CLCC1: variants seen among roughly 807,000 people sequenced by gnomAD.
CLCC1 encodes chloride channel CLIC-like protein 1.
In CLCC1, 39 loss-of-function variants were observed where a neutral mutation model predicts 63.3. The ratio of observed to expected loss-of-function variants is 0.62; its 90% CI spans 0.48 to 0.81. CLCC1 has a LOEUF of 0.81. Among genes scored for constraint, CLCC1 ranks in the 30% least tolerant of loss-of-function variants. The pLI is 0.00. For synonymous variants in CLCC1, 217 were observed against 239.8 expected (o/e 0.90, Z 0.88); for missense variants, 549 against 669.4 (o/e 0.82, Z 1.98).
chr1:108,960,107 A>G (rs972741421), intron 2 of CLCC1, among the ~76,000 whole-genome samples: 2 of 152,266 alleles, frequency 1.3e-5, no homozygotes, highest in African/African-American at 4.8e-5. Context: ...GCTCTCCAGC[A>G]TGGGTGACAG....
At chr1:108,957,908 G>A (rs564182147) in intron 2 of CLCC1, among the ~76,000 whole-genome samples, 1 of 151,374 alleles carries the variant, frequency 6.6e-6, no homozygotes, top group Non-Finnish European at 1.5e-5. Context: ...AAAAGACTGA[G>A]TCCTGGGCAA....
intron 2 of CLCC1, among the ~76,000 whole-genome samples, chr1:108,951,766 CT>C (rs34333498): frequency 0.017 from 2,249 of 132,232 alleles, 16 homozygotes; most frequent in African/African-American, 0.027. Flanking sequence ...GAATTGTATA[CT>C]TTTTTTTTTT....
chr1:108,934,400 T>A (rs1354616537), intron 12 of CLCC1: 1 of 415,016 alleles, frequency 2.4e-6, no homozygotes, highest in Non-Finnish European at 4.3e-6. Flanking sequence ...GAATCAGTGA[T>A]GCCTGTCATC....
intron 3 of CLCC1, 29 bp from the exon 4 acceptor site, chr1:108,949,950 T>C (rs1488594004): frequency 3.7e-6 from 5 of 1,357,414 alleles, no homozygotes; most frequent in African/African-American, 1.5e-5. Context: ...ACATTTTATT[T>C]CTTTATAGTT....
At chr1:108,940,177 C>T (rs1487973236) in intron 8 of CLCC1, 35 bp from the exon 9 acceptor site, 1 of 1,398,868 alleles carries the variant, frequency 7.1e-7, no homozygotes, top group South Asian at 1.2e-5. Context: ...CTGATCATTT[C>T]TTTTAATGTT....
chr1:108,944,119 C>G (rs1188023144), intron 5 of CLCC1, 62 bp from the exon 6 acceptor site: 8 of 1,231,880 alleles, frequency 6.5e-6, no homozygotes, highest in Non-Finnish European at 9.0e-6. Context: ...CTTGGTGAAC[C>G]ATTTTAAGAC....
At chr1:108,935,964 G>A (rs1652879419) in intron 11 of CLCC1, among the ~76,000 whole-genome samples, 1 of 152,060 alleles carries the variant, frequency 6.6e-6, no homozygotes, top group African/African-American at 2.4e-5. Flanking sequence ...AGACCAAGGA[G>A]GCTTCCAGGC....
intron 7 of CLCC1, among the ~76,000 whole-genome samples, chr1:108,942,452 T>TTAGA (rs550786848): frequency 1.1e-3 from 173 of 152,352 alleles, no homozygotes; most frequent in African/African-American, 4.0e-3. Context: ...AATACTATAA[T>TTAGA]ACTTACAGCA....
intron 2 of CLCC1, among the ~76,000 whole-genome samples, chr1:108,954,479 G>A (rs991983513): frequency 6.6e-6 from 1 of 151,050 alleles, no homozygotes; most frequent in African/African-American, 2.5e-5. Flanking sequence ...CAGCCTAGGT[G>A]AAAGAGTAAA....
chr1:108,940,044 C>T lies in CLCC1; in HGVS notation c.894+1G>A. 6.2e-6 allele frequency: 10 copies of T among 1,603,040 alleles called. No homozygotes were observed. The highest frequency in any genetic ancestry group is 8.5e-6 in the Non-Finnish European group (10 of 1,172,054). ...TAATTTTTACAAAATATATGCTATA[C>T]CTTTGTTGGTGGGACCAACCAAATA... On this transcript the variant is annotated splice_donor_variant, in intron 9 of 12. Coordinates refer to ENST00000369969, the MANE Select transcript of CLCC1 (RefSeq NM_001377458.1). LOFTEE classifies it high-confidence loss of function.
chr1:108,947,839 C>T, intron 4 of CLCC1, 121 bp from the exon 5 acceptor site: 2 of 653,654 alleles, frequency 3.1e-6, no homozygotes, highest in Non-Finnish European at 5.3e-6. Context: ...ATCAAGTTTG[C>T]ATTTATCAGC....
Position 108,939,768 on chromosome 1 carries a change from T to G in CLCC1, c.909A>C (p.Thr303=), listed in dbSNP as rs571666014. ...LVPPTKALAV[T]FTTFVTEPLK... is the part of the protein sequence containing the mutation. ...ATGGCTCCGTTACAAATGTGGTGAA[T>G]GTAACTGCAAGTGCCTAAAACGAGA... The change falls in exon 10 of 13, where the codon ACA becomes ACC. Residue 303 remains threonine (T), a synonymous_variant. Coordinates refer to ENST00000369969, the MANE Select transcript of CLCC1 (RefSeq NM_001377458.1). 1.7e-5 allele frequency: 27 copies of G among 1,613,998 alleles called. No individual in the cohort carries two copies. The South Asian group carries it at 3.0e-4, about 18-fold the overall frequency.
chr1:108,941,489 C>CA lies in CLCC1; in HGVS notation c.711dup (p.Ala238CysfsTer6). 6.2e-7 allele frequency: 1 copy of CA among 1,614,004 alleles called. No individual in the cohort carries two copies. Among genetic ancestry groups the CA allele is most frequent in the Non-Finnish European group, 8.5e-7 (1 of 1,179,986 alleles). Reference sequence around the variant, plus strand: ...TTGGCGACTTCAGCCTGATGCTGTGCAAAAGCTAGCTGCCCAACACCAAAA... The same window carrying CA: ...TTGGCGACTTCAGCCTGATGCTGTGCAAAAAGCTAGCTGCCCAACACCAAAA... On this transcript the variant is annotated frameshift_variant, in exon 8 of 13. Transcript: ENST00000369969. LOFTEE classifies it high-confidence loss of function.
In CLCC1 at chr1:108,940,062, A is replaced by G. The variant is rs760597649; in HGVS notation, c.877T>C (p.Leu293=). The change falls in exon 9 of 13, where the codon TTG becomes CTG. Residue 293 remains leucine, a synonymous_variant. Coordinates refer to ENST00000369969, the MANE Select transcript of CLCC1 (RefSeq NM_001377458.1). ...YELLLVNPIW[L]VPPTKALAVT... ...TGCTATACCTTTGTTGGTGGGACCA[A>G]CCAAATAGGGTTGACTAGTAAGAGC... 1 of 1,612,950 alleles carries G rather than the reference A, an allele frequency of 6.2e-7. No homozygotes were observed.
In CLCC1 at chr1:108,932,469, C is replaced by T. The variant is rs943768486; in HGVS notation, c.*78G>A. 2.6e-5 allele frequency: 4 copies of T among 152,168 alleles called. No homozygotes were observed. The highest frequency in any genetic ancestry group is 9.7e-5 in the African/African-American group (4 of 41,438). The allele number at this position is 152,168 out of a possible 1,614,324, so 9.4% of individuals were successfully genotyped here. ...CAACAGTTGCATGTCGCCTTGCTAGCTGTCAAAGTAGACTTCATCCCCAAA... is the reference window on the plus strand; with the variant it reads ...CAACAGTTGCATGTCGCCTTGCTAGTTGTCAAAGTAGACTTCATCCCCAAA... On this transcript the variant is annotated 3_prime_UTR_variant, in exon 13 of 13. Transcript: ENST00000369969.
intron 5 of CLCC1, among the ~76,000 whole-genome samples, 173 bp from the exon 6 acceptor site, chr1:108,944,230 C>T (rs1214936606): frequency 6.6e-6 from 1 of 152,120 alleles, no homozygotes; most frequent in South Asian, 2.1e-4. Flanking sequence ...AGTGCTTTGA[C>T]AGGCCAAGGT....
Position 108,934,953 on chromosome 1 carries a change from C to A in CLCC1, c.1384-11G>T, listed in dbSNP as rs183897074. On this transcript the variant is annotated splice_polypyrimidine_tract_variant and intron_variant, in intron 11 of 12. Coordinates refer to ENST00000369969, the MANE Select transcript of CLCC1 (RefSeq NM_001377458.1). ...AACAGGTGATTTATGCTATAAAGTA[C>A]AAAATTACATTTTAACTGTTTAATG... 6.3e-7 allele frequency: 1 copy of A among 1,585,640 alleles called. No homozygotes were observed. The highest frequency in any genetic ancestry group is 8.6e-7 in the Non-Finnish European group (1 of 1,164,298).
chr1:108,952,815 AG>A, intron 2 of CLCC1, among the ~76,000 whole-genome samples: 1 of 151,710 alleles, frequency 6.6e-6, no homozygotes, highest in African/African-American at 2.4e-5. Context: ...AAAAAAAAAA[AG>A]AAAGAAAGGT....
chr1:108,943,933 A>G lies in CLCC1; in HGVS notation c.464T>C (p.Leu155Pro). The G allele has an allele frequency of 6.2e-7, 1 of 1,612,702 alleles. No individual in the cohort carries two copies. Among genetic ancestry groups the G allele is most frequent in the Non-Finnish European group, 8.5e-7 (1 of 1,178,766 alleles). The change falls in exon 6 of 13, where the codon CTA becomes CCA. Residue 155 changes from leucine to proline, a missense_variant. Leu to Pro is a moderately conservative substitution (Grantham distance 98). Coordinates refer to ENST00000369969, the MANE Select transcript of CLCC1 (RefSeq NM_001377458.1). ...DWKPGALDDA[L>P]SDILINFKFH... ...CTTAAAATTAATTAAAATATCACTT[A>G]GTGCATCATCCAAGGCACCTGGTTT...
Sources: allele counts gnomAD v4.1 joint callset (sites outside exome capture counted in the v4.1 genomes callset), GRCh38; gene constraint gnomAD v4.1.1; transcripts MANE v1.5; gene names NCBI Gene and HGNC (gene_info 2026-07-23, HGNC 2026-07-21).